The following MRPS6 variants were observed in gnomAD, a reference collection of about 807,000 sequenced individuals.
MRPS6 encodes mitochondrial ribosomal protein S6.
A neutral mutation model predicts 13.1 loss-of-function variants in MRPS6; 6 were observed. That is an observed-to-expected ratio of 0.46 (90% CI 0.25 to 0.91). MRPS6 has a LOEUF of 0.91. MRPS6 is among the 40% of genes least tolerant of loss of function. The pLI is 0.18. For synonymous variants in MRPS6, 61 were observed against 56.5 expected, an observed-to-expected ratio of 1.08 and a Z score of -0.36; for missense variants, 164 against 155.6, an observed-to-expected ratio of 1.05 and a Z score of -0.29.
intron 1 of MRPS6, among the ~76,000 whole-genome samples, chr21:34,086,875 G>A (rs1978415776): frequency 6.6e-6 from 1 of 152,236 alleles, no homozygotes; most frequent in East Asian, 1.9e-4. Context: ...TTGGGTTTCT[G>A]TTGGGTGAGC....
intron 1 of MRPS6, among the ~76,000 whole-genome samples, chr21:34,079,710 A>G (rs1569412375): frequency 6.8e-6 from 1 of 146,562 alleles, no homozygotes; most frequent in African/African-American, 2.6e-5. Flanking sequence ...TGGTCTCCCA[A>G]AGTGCTGGGA....
intron 1 of MRPS6, among the ~76,000 whole-genome samples, chr21:34,116,283 A>C (rs1979903405): frequency 6.8e-6 from 1 of 148,144 alleles, no homozygotes; most frequent in African/African-American, 2.5e-5. Flanking sequence ...CCTGGGCTCA[A>C]GCGATCTGCC....
rs138321081 is a variant in MRPS6 at position 34,097,253 on chromosome 21, A to C, written c.45+23508A>C. 2.6e-5 allele frequency: 42 copies of C among 1,613,958 alleles called. No homozygotes were observed. The African/African-American group carries it at 4.8e-4, about 18-fold the overall frequency. On this transcript the variant is annotated intron_variant, in intron 1 of 2. Transcript: ENST00000399312. ...TGATGGAAGAGGAGGCTGTTTGTTTACAGATGCTAGAAGAGACTCGGCAAG... is the reference window on the plus strand; with the variant it reads ...TGATGGAAGAGGAGGCTGTTTGTTTCCAGATGCTAGAAGAGACTCGGCAAG...
intron 2 of MRPS6, among the ~76,000 whole-genome samples, chr21:34,132,944 A>G (rs1470906905): frequency 6.6e-6 from 1 of 152,174 alleles, no homozygotes; most frequent in Non-Finnish European, 1.5e-5. Flanking sequence ...TCTCTTCTTA[A>G]CTACATTAAA....
intron 1 of MRPS6, among the ~76,000 whole-genome samples, chr21:34,092,252 A>G (rs1009714222): frequency 1.3e-5 from 2 of 152,238 alleles, no homozygotes; most frequent in Non-Finnish European, 2.9e-5. Context: ...ATTGCATTAT[A>G]GTATTTTATA....
rs543555568 is a variant in MRPS6, at chr21:34,076,572, TTAAC to T, written c.45+2830_45+2833del. 3.3e-5 allele frequency among the ~76,000 whole-genome samples: 5 copies of T among 152,366 alleles called. No homozygotes were observed. The South Asian group carries it at 6.2e-4, about 19-fold the overall frequency. ...CAAGTTTGGGCATTTAGGAATGTAG[TTAAC>T]TAGTGTTTCTAAGAAGAAATTTATT... On this transcript the variant is annotated intron_variant, in intron 1 of 2. Transcript: ENST00000399312.
rs768363157 is a variant in MRPS6 at position 34,125,437 on chromosome 21, C to T, written c.142C>T (p.Pro48Ser). ...GGAAAACCTGGGTGAACGAGCGCTT[C>T]CTTATAGGATCTCTGCCCACAGTCA... ...DLENLGERAL[P>S]YRISAHSQQH... The change falls in exon 2 of 3, where the codon CCT becomes TCT. Residue 48 changes from proline to serine, a missense_variant. Pro to Ser is a moderately conservative substitution (Grantham distance 74). Coordinates refer to ENST00000399312, the MANE Select transcript of MRPS6 (RefSeq NM_032476.4). 13 of 1,613,894 alleles carry T rather than the reference C, an allele frequency of 8.1e-6. No individual in the cohort carries two copies. Among genetic ancestry groups the T allele is most frequent in the Admixed American group, 1.7e-5 (1 of 59,990 alleles).
At chr21:34,100,071 A>G (rs1339827616) in intron 1 of MRPS6, 1 of 996,832 alleles carries the variant, frequency 1.0e-6, no homozygotes, top group Non-Finnish European at 1.2e-6. Context: ...TTAGACATTA[A>G]CATGTGTATA....
At chr21:34,105,274 A>G (rs966669507) in intron 1 of MRPS6, 16 of 1,000,142 alleles carry the variant, frequency 1.6e-5, no homozygotes, top group Non-Finnish European at 1.8e-5. Flanking sequence ...GTTGGCAATC[A>G]TGTATGAACT....
intron 2 of MRPS6, among the ~76,000 whole-genome samples, chr21:34,140,563 C>T (rs559813999): frequency 2.0e-5 from 3 of 152,306 alleles, no homozygotes; most frequent in South Asian, 2.1e-4. Context: ...CTATAAATGT[C>T]AGTTAACTCC....
At chr21:34,100,267 G>A in intron 1 of MRPS6, 1 of 1,000,014 alleles carries the variant, frequency 1.0e-6, no homozygotes, top group Non-Finnish European at 1.2e-6. Context: ...CTCAAGATCT[G>A]ATGAGAAGGG....
At position 34,135,536 on chromosome 21, in the gene MRPS6, C is replaced by T; in HGVS notation, c.186-6872C>T. 3 of 499,480 alleles carry T rather than the reference C, an allele frequency of 6.0e-6. No individual in the cohort carries two copies. The Admixed American group carries it at 6.4e-5, about 11-fold the overall frequency. The allele number at this position is 499,480 out of a possible 1,614,324, so 30.9% of individuals were successfully genotyped here. A position where few individuals can be genotyped will look rare whatever the true frequency, so the allele number is the denominator to read the frequency against. ...GTGATGAGCTCATCTGCCAGGCACT[C>T]AGCAATGGTCATGATCTCCCGGAGG... On this transcript the variant is annotated intron_variant, in intron 2 of 2. Coordinates refer to ENST00000399312, the MANE Select transcript of MRPS6 (RefSeq NM_032476.4).
At chr21:34,084,293 G>C (rs560971688) in intron 1 of MRPS6, among the ~76,000 whole-genome samples, 53 of 152,230 alleles carry the variant, frequency 3.5e-4, no homozygotes, top group Non-Finnish European at 6.8e-4. Flanking sequence ...CTTGTGCTTA[G>C]GTTTTCTGCC....
In MRPS6 at chr21:34,101,363, G is replaced by A. The variant is rs553500073; in HGVS notation, c.46-23978G>A. ...TTTGATGTTAAGCATTATAAAGTAC[G>A]AAGTTTGTTACCACAGTAGAGATAA... On this transcript the variant is annotated intron_variant, in intron 1 of 2. Coordinates refer to ENST00000399312, the MANE Select transcript of MRPS6 (RefSeq NM_032476.4). 5.9e-4 allele frequency: 594 copies of A among 1,000,092 alleles called. 1 individual carries two copies. The highest frequency in any genetic ancestry group is 2.0e-3 in the Admixed American group (33 of 16,254). 62.0% of individuals were successfully genotyped at this position (1,000,092 alleles called of 1,614,324 possible).
chr21:34,079,048 A>T (rs1198535952), intron 1 of MRPS6, among the ~76,000 whole-genome samples: 1 of 152,246 alleles, frequency 6.6e-6, no homozygotes, highest in Non-Finnish European at 1.5e-5. Flanking sequence ...GGAAAGTGAC[A>T]GTTAATTCAG....
In MRPS6 at chr21:34,101,029, C is replaced by T. The variant is rs142989559; in HGVS notation, c.46-24312C>T. ...TCACATGGGTCGTTGGTGGTGACAC[C>T]TCACTGTTTCCTAGGTTTGGATAGA... On this transcript the variant is annotated intron_variant, in intron 1 of 2. Coordinates refer to ENST00000399312, the MANE Select transcript of MRPS6 (RefSeq NM_032476.4). The T allele has an allele frequency of 1.2e-4, 124 of 1,000,088 alleles. No individual in the cohort carries two copies. The African/African-American group carries it at 2.1e-3, about 17-fold the overall frequency. 62.0% of individuals were successfully genotyped at this position (1,000,088 alleles called of 1,614,324 possible). A position where few individuals can be genotyped will look rare whatever the true frequency, so the allele number is the denominator to read the frequency against.
intron 1 of MRPS6, chr21:34,095,813 G>A (rs762151661): frequency 1.9e-6 from 3 of 1,613,878 alleles, no homozygotes; most frequent in African/African-American, 1.3e-5. Flanking sequence ...TTAGCATAAT[G>A]GAGATTGGCG....
At chr21:34,105,864 A>T in intron 1 of MRPS6, 1 of 994,230 alleles carries the variant, frequency 1.0e-6, no homozygotes, top group Non-Finnish European at 1.2e-6. Flanking sequence ...AGTACAGTTG[A>T]AATTGTAGAT....
chr21:34,127,506 C>T (rs1980349923), intron 2 of MRPS6, among the ~76,000 whole-genome samples: 1 of 152,170 alleles, frequency 6.6e-6, no homozygotes, highest in Non-Finnish European at 1.5e-5. Flanking sequence ...TTCATTAATT[C>T]ACTGTATTTG....
Sources: gnomAD v4.1 joint callset for allele counts (sites outside exome capture counted in the v4.1 genomes callset) on GRCh38, gnomAD v4.1.1 for gene constraint, MANE v1.5 for transcripts, NCBI Gene and HGNC (gene_info 2026-07-23, HGNC 2026-07-21) for gene names.